The following NETO1 variants were observed in gnomAD, a reference collection of about 807,000 sequenced individuals.
The protein encoded by NETO1 is neuropilin and tolloid like 1.
NETO1 carries 26 observed loss-of-function variants against 61.3 expected under a neutral mutation model. The observed-to-expected ratio is 0.42, with a 90% CI of 0.31 to 0.59. The LOEUF is 0.59. NETO1 is among the 20% of genes least tolerant of loss of function. The probability of loss-of-function intolerance (pLI) is 0.12; values close to 1 mark genes in which losing one functional copy is unlikely to be tolerated. For missense variants in NETO1, 531 were observed against 662.8 expected, an observed-to-expected ratio of 0.80 and a Z score of 2.18; for synonymous variants, 225 against 225.8, an observed-to-expected ratio of 1.00 and a Z score of 0.03.
chr18:72,834,870 A>G (rs2073694198), intron 4 of NETO1: 1 of 916,742 alleles, frequency 1.1e-6, no homozygotes, highest in Non-Finnish European at 1.3e-6. Flanking sequence ...ATTGTAATAC[A>G]AGAATAAATT....
rs867931326 is a variant in NETO1, at chr18:72,867,132, G to C, written c.28+132C>G. ...TGCTGCAATACAGAAAGTTTACGTC[G>C]GCCCCGACCCGCGCGGGACTGCAGG... On this transcript the variant is annotated intron_variant, in intron 1 of 10. Coordinates refer to ENST00000327305, the MANE Select transcript of NETO1 (RefSeq NM_138966.5). 2.2e-5 allele frequency: 14 copies of C among 624,436 alleles called. No individual in the cohort carries two copies. The South Asian group carries it at 4.0e-4, about 18-fold the overall frequency. 38.7% of individuals were successfully genotyped at this position (624,436 alleles called of 1,614,324 possible).
At chr18:72,858,702 T>C in intron 4 of NETO1, 124 bp downstream of exon 4, 1 of 987,700 alleles carries the variant, frequency 1.0e-6, no homozygotes, top group South Asian at 1.8e-5. Flanking sequence ...CACTGTAGAT[T>C]TGGTTTTAAA....
chr18:72,776,160 A>G (rs979331470), intron 7 of NETO1, among the ~76,000 whole-genome samples: 1 of 152,206 alleles, frequency 6.6e-6, no homozygotes, highest in Non-Finnish European at 1.5e-5. Flanking sequence ...AACACAGTGG[A>G]GAGTTTCCAA....
chr18:72,845,308 T>C (rs956090999), intron 4 of NETO1, among the ~76,000 whole-genome samples: 14 of 152,190 alleles, frequency 9.2e-5, no homozygotes, highest in African/African-American at 3.1e-4. Context: ...ATTAAGTCGA[T>C]TGCTGCTTCT....
intron 3 of NETO1, among the ~76,000 whole-genome samples, chr18:72,859,640 A>G (rs1468813526): frequency 6.6e-6 from 1 of 152,166 alleles, no homozygotes; most frequent in Admixed American, 6.5e-5. Flanking sequence ...CATTCAACAC[A>G]CATTATCCGT....
chr18:72,774,444 T>C (rs931293439), intron 7 of NETO1, among the ~76,000 whole-genome samples: 2 of 152,184 alleles, frequency 1.3e-5, no homozygotes, highest in Non-Finnish European at 2.9e-5. Flanking sequence ...ATTCTAAATA[T>C]AATCATTCCT....
chr18:72,860,352 A>G (rs2074533729), intron 3 of NETO1, among the ~76,000 whole-genome samples: 1 of 152,128 alleles, frequency 6.6e-6, no homozygotes, highest in African/African-American at 2.4e-5. Flanking sequence ...TCCACACCCC[A>G]TTGCTTCTTA....
intron 6 of NETO1, among the ~76,000 whole-genome samples, chr18:72,789,816 C>T (rs2072053332): frequency 6.6e-6 from 1 of 152,162 alleles, no homozygotes; most frequent in Non-Finnish European, 1.5e-5. Flanking sequence ...AAAGAATCTG[C>T]TCCACTTTTA....
chr18:72,834,185 CAACATATATGCATATTAGTGTACTGTAAA>C, intron 4 of NETO1: 1 of 618,526 alleles, frequency 1.6e-6, no homozygotes, highest in Non-Finnish European at 2.0e-6. Flanking sequence ...TAATAAAATA[CAACATATATGCATATTAGTGTACTGTAAA>C]ATACGTATTA....
chr18:72,773,522 T>C (rs780698294), intron 7 of NETO1, among the ~76,000 whole-genome samples: 4 of 152,126 alleles, frequency 2.6e-5, no homozygotes, highest in African/African-American at 4.8e-5. Context: ...CCACTTTGAA[T>C]TGTAATAATC....
intron 6 of NETO1, among the ~76,000 whole-genome samples, chr18:72,787,036 A>G (rs1182299217): frequency 6.7e-6 from 1 of 149,468 alleles, no homozygotes; most frequent in East Asian, 2.1e-4. Context: ...CTGGATTTAA[A>G]TTTCTTTTCA....
intron 6 of NETO1, among the ~76,000 whole-genome samples, chr18:72,787,525 A>G (rs1013709637): frequency 6.6e-6 from 1 of 152,196 alleles, no homozygotes; most frequent in Non-Finnish European, 1.5e-5. Flanking sequence ...TAAAATTTCT[A>G]ACATTGCATG....
chr18:72,757,110 G>C (rs9319850), intron 7 of NETO1, among the ~76,000 whole-genome samples: 106,825 of 151,758 alleles, frequency 0.7, 37,840 homozygotes, highest in Admixed American at 0.77. Context: ...TTCAATAAAG[G>C]CTCTACAATC....
chr18:72,792,749 G>T (rs1199399371), intron 6 of NETO1, among the ~76,000 whole-genome samples: 1 of 151,902 alleles, frequency 6.6e-6, no homozygotes, highest in Non-Finnish European at 1.5e-5. Context: ...AGAGGCCTGA[G>T]GAACACTTTA....
At chr18:72,815,839 C>A (rs1262757809) in intron 4 of NETO1, among the ~76,000 whole-genome samples, 2 of 152,070 alleles carry the variant, frequency 1.3e-5, no homozygotes, top group Non-Finnish European at 2.9e-5. Flanking sequence ...GGATATAACA[C>A]AGCTGTGTTA....
rs1352886732 is a variant in NETO1 at position 72,830,184 on chromosome 18, A to G, written c.469+28642T>C. Among the ~76,000 whole-genome samples, 2 of 152,152 alleles carry G rather than the reference A, an allele frequency of 1.3e-5. No individual in the cohort carries two copies. The highest frequency in any genetic ancestry group is 2.9e-5 in the Non-Finnish European group (2 of 68,034). On this transcript the variant is annotated intron_variant, in intron 4 of 10. Transcript: ENST00000327305. This position sits in a 1 kb window ranked among gnomAD's most constrained non-coding sequence, Gnocchi z 4.9. ...CATGCATGTAAGCCGTCCACAGCATAGAGGAAGCGGCGGCACAGGGAAGGA... is the reference window on the plus strand; with the variant it reads ...CATGCATGTAAGCCGTCCACAGCATGGAGGAAGCGGCGGCACAGGGAAGGA...
At chr18:72,773,734 C>T (rs1428446456) in intron 7 of NETO1, among the ~76,000 whole-genome samples, 1 of 152,060 alleles carries the variant, frequency 6.6e-6, no homozygotes, top group Non-Finnish European at 1.5e-5. Context: ...TTTTCTGAGG[C>T]CTCTCCAGCT....
intron 4 of NETO1, among the ~76,000 whole-genome samples, chr18:72,812,613 T>C (rs1404026832): frequency 6.6e-6 from 1 of 152,178 alleles, no homozygotes; most frequent in Non-Finnish European, 1.5e-5. Flanking sequence ...ATTCCTGGTA[T>C]ATTTTCTTTT....
At chr18:72,780,741 C>T (rs1005523995) in intron 7 of NETO1, among the ~76,000 whole-genome samples, 3 of 152,112 alleles carry the variant, frequency 2.0e-5, no homozygotes, top group African/African-American at 7.2e-5. Context: ...ATAAATATTA[C>T]CTTTGAGACC....
Sources: allele counts gnomAD v4.1 joint callset (sites outside exome capture counted in the v4.1 genomes callset), GRCh38; gene constraint gnomAD v4.1.1; non-coding constraint Gnocchi (gnomAD v3.1); transcripts MANE v1.5; gene names NCBI Gene and HGNC (gene_info 2026-07-23, HGNC 2026-07-21).